Variants in RSRC1 observed in about 807,000 individuals in gnomAD.
RSRC1 encodes the protein serine/Arginine-related protein 53.
Under a neutral mutation model 49.1 loss-of-function variants are expected in RSRC1, and 39 were observed. The ratio of observed to expected loss-of-function variants is 0.79; its 90% CI spans 0.61 to 1.04. RSRC1 has a LOEUF of 1.04. Among genes scored for constraint, RSRC1 ranks in the 50% least tolerant of loss-of-function variants. The probability of loss-of-function intolerance (pLI) is 0.00; values close to 1 mark genes in which losing one functional copy is unlikely to be tolerated. For synonymous variants in RSRC1, 143 were observed against 130.8 expected, an observed-to-expected ratio of 1.09 and a Z score of -0.63; for missense variants, 388 against 402.4, an observed-to-expected ratio of 0.96 and a Z score of 0.31.
intron 4 of RSRC1, among the ~76,000 whole-genome samples, chr3:158,251,992 C>G (rs1045349892): frequency 1.3e-5 from 2 of 152,080 alleles, no homozygotes; most frequent in Non-Finnish European, 2.9e-5. Flanking sequence ...TATTTTCCTT[C>G]TGTACCCAGC....
intron 6 of RSRC1, among the ~76,000 whole-genome samples, chr3:158,397,305 C>A (rs1578425941): frequency 6.6e-6 from 1 of 152,160 alleles, no homozygotes; most frequent in Admixed American, 6.6e-5. Context: ...GAATTTGTGT[C>A]TTGGCTTCTA....
At chr3:158,527,370 T>G (rs1712105986) in intron 7 of RSRC1, among the ~76,000 whole-genome samples, 1 of 151,982 alleles carries the variant, frequency 6.6e-6, no homozygotes, top group Non-Finnish European at 1.5e-5. Context: ...TTGGAGATTT[T>G]TTTTTAAATC....
intron 6 of RSRC1, among the ~76,000 whole-genome samples, chr3:158,416,153 C>T (rs1393758825): frequency 6.6e-6 from 1 of 151,276 alleles, no homozygotes; most frequent in Non-Finnish European, 1.5e-5. Context: ...AATCGATTTC[C>T]TTCATTTACT....
intron 5 of RSRC1, among the ~76,000 whole-genome samples, chr3:158,330,250 C>T (rs1011581547): frequency 6.6e-6 from 1 of 152,240 alleles, no homozygotes; most frequent in Non-Finnish European, 1.5e-5. Flanking sequence ...CCTGCCCCCA[C>T]TGTCTGACGA....
At chr3:158,366,101 G>C (rs1388728366) in intron 6 of RSRC1, among the ~76,000 whole-genome samples, 2 of 152,106 alleles carry the variant, frequency 1.3e-5, no homozygotes, top group African/African-American at 4.8e-5. Flanking sequence ...TAGGTTGTCT[G>C]TTCACTCTGA....
At chr3:158,364,982 TAA>T (rs1731683756) in intron 6 of RSRC1, among the ~76,000 whole-genome samples, 1 of 152,026 alleles carries the variant, frequency 6.6e-6, no homozygotes, top group Non-Finnish European at 1.5e-5. Context: ...AGCTAGCATA[TAA>T]CTGAGCATTC....
At chr3:158,453,836 G>T (rs111269478) in intron 6 of RSRC1, among the ~76,000 whole-genome samples, 27 of 151,888 alleles carry the variant, frequency 1.8e-4, no homozygotes, top group Admixed American at 5.2e-4. Flanking sequence ...AATTTCTTCT[G>T]CATCTCTAAT....
chr3:158,305,744 G>A (rs976098845), intron 5 of RSRC1, among the ~76,000 whole-genome samples: 1 of 151,982 alleles, frequency 6.6e-6, no homozygotes, highest in African/African-American at 2.4e-5. Flanking sequence ...TAATAGCATC[G>A]GTATTTAATT....
chr3:158,114,591 G>A (rs976190257), intron 1 of RSRC1, among the ~76,000 whole-genome samples: 9 of 151,998 alleles, frequency 5.9e-5, no homozygotes, highest in African/African-American at 2.2e-4. Flanking sequence ...CACTTTGGGT[G>A]GTATTGCCAT....
intron 4 of RSRC1, among the ~76,000 whole-genome samples, chr3:158,294,393 A>G (rs1463068900): frequency 6.6e-6 from 1 of 151,976 alleles, no homozygotes; most frequent in East Asian, 1.9e-4. Flanking sequence ...TCATACTTAT[A>G]TTTCTAAAAA....
At chr3:158,180,193 A>G (rs1365743470) in intron 3 of RSRC1, among the ~76,000 whole-genome samples, 1 of 151,972 alleles carries the variant, frequency 6.6e-6, no homozygotes, top group Non-Finnish European at 1.5e-5. Context: ...CTTACAGAGC[A>G]AAAGTTTTAA....
chr3:158,194,388 C>G (rs1720423175), intron 3 of RSRC1, among the ~76,000 whole-genome samples: 1 of 151,484 alleles, frequency 6.6e-6, no homozygotes, highest in African/African-American at 2.4e-5. Flanking sequence ...TAAATATACA[C>G]TGAATAATTA....
intron 7 of RSRC1, among the ~76,000 whole-genome samples, chr3:158,495,773 ACT>A (rs1167833952): frequency 6.6e-6 from 1 of 152,100 alleles, no homozygotes; most frequent in African/African-American, 2.4e-5. Context: ...AATAAAAGCC[ACT>A]CTCATTTGTT....
At chr3:158,224,823 C>T (rs1225054351) in intron 4 of RSRC1, among the ~76,000 whole-genome samples, 1 of 151,730 alleles carries the variant, frequency 6.6e-6, no homozygotes, top group Non-Finnish European at 1.5e-5. Context: ...AATGTATGGT[C>T]TACTGTATAG....
intron 5 of RSRC1, among the ~76,000 whole-genome samples, chr3:158,321,080 A>G (rs750353638): frequency 1.4e-4 from 22 of 152,260 alleles, no homozygotes; most frequent in Admixed American, 5.9e-4. Flanking sequence ...ACTCCCATGC[A>G]TGATACCCAT....
At chr3:158,385,328 A>G (rs1035315317) in intron 6 of RSRC1, among the ~76,000 whole-genome samples, 2 of 152,092 alleles carry the variant, frequency 1.3e-5, no homozygotes, top group Non-Finnish European at 2.9e-5. Flanking sequence ...ACTATAAACC[A>G]TTCATCTATT....
chr3:158,235,362 C>T (rs765967200), intron 4 of RSRC1, among the ~76,000 whole-genome samples: 4 of 151,930 alleles, frequency 2.6e-5, no homozygotes, highest in Admixed American at 6.6e-5. Context: ...CAAGGGATGC[C>T]GTTGCTTTAG....
chr3:158,427,087 G>A (rs940723579), intron 6 of RSRC1, among the ~76,000 whole-genome samples: 3 of 151,620 alleles, frequency 2.0e-5, no homozygotes, highest in Non-Finnish European at 3.0e-5. Flanking sequence ...AGTAGGGCAC[G>A]TATGACTTAG....
chr3:158,540,908 T>C (rs1712996646), intron 8 of RSRC1, among the ~76,000 whole-genome samples: 1 of 152,124 alleles, frequency 6.6e-6, no homozygotes, highest in South Asian at 2.1e-4. Flanking sequence ...AATGTAACAA[T>C]AGGCAGCTCA....
Sources: allele counts gnomAD v4.1 joint callset (sites outside exome capture counted in the v4.1 genomes callset), GRCh38; gene constraint gnomAD v4.1.1; transcripts MANE v1.5; gene names NCBI Gene and HGNC (gene_info 2026-07-23, HGNC 2026-07-21).